Variants in IGF2BP1 observed in about 807,000 individuals in gnomAD.
The protein encoded by IGF2BP1 is insulin like growth factor 2 mRNA binding protein 1, also known as insulin-like growth factor 2 mRNA-binding protein 1.
A neutral mutation model predicts 74.9 loss-of-function variants in IGF2BP1; 11 were observed. The ratio of observed to expected loss-of-function variants is 0.15; its 90% CI spans 0.09 to 0.24. IGF2BP1 has a LOEUF of 0.24. Among genes scored for constraint, IGF2BP1 ranks in the 10% least tolerant of loss-of-function variants. IGF2BP1 has a pLI of 1.00. For synonymous variants in IGF2BP1, 287 were observed against 281.8 expected, an observed-to-expected ratio of 1.02 and a Z score of -0.18; for missense variants, 440 against 757.4, an observed-to-expected ratio of 0.58 and a Z score of 4.92.
chr17:49,045,397 G>T (rs1014473045), intron 12 of IGF2BP1, among the ~76,000 whole-genome samples: 57 of 152,148 alleles, frequency 3.7e-4, no homozygotes, highest in African/African-American at 1.1e-3. Flanking sequence ...AAATCCTAAG[G>T]TTCTTGAACT....
chr17:49,033,596 G>A (rs1297816448), intron 5 of IGF2BP1, among the ~76,000 whole-genome samples: 1 of 152,080 alleles, frequency 6.6e-6, no homozygotes, highest in Non-Finnish European at 1.5e-5. Context: ...ACCCACCTCA[G>A]CCCCCCAGAG....
In IGF2BP1 at chr17:49,055,565, T is replaced by C. The variant is rs867275837; in HGVS notation, c.*6121T>C. The C allele has an allele frequency of 1.5e-5, 6 of 398,288 alleles. No homozygotes were observed. The highest frequency in any genetic ancestry group is 2.7e-5 in the Non-Finnish European group (6 of 225,976). 24.7% of individuals were successfully genotyped at this position (398,288 alleles called of 1,614,324 possible). ...TAACATTTCTGTGCAGATTTTATGT[T>C]AGCCACTGCTATGTAAAAGCACGTT... On this transcript the variant is annotated 3_prime_UTR_variant, in exon 15 of 15. Transcript: ENST00000290341.
rs2042194333 is a variant in IGF2BP1 at position 49,053,786 on chromosome 17, C to G, written c.*4342C>G. 1 of 152,672 alleles carries G rather than the reference C, an allele frequency of 6.5e-6. No homozygotes were observed. The highest frequency in any genetic ancestry group is 1.9e-4 in the East Asian group (1 of 5,186). The allele number at this position is 152,672 out of a possible 1,614,324, so 9.5% of individuals were successfully genotyped here. On this transcript the variant is annotated 3_prime_UTR_variant, in exon 15 of 15. Transcript: ENST00000290341. ...GGAGAAGCTGGTGCCTCTAGGCAAC[C>G]CCTTCCTCCCACCTCTCATCAGGGG...
intron 2 of IGF2BP1, among the ~76,000 whole-genome samples, chr17:49,003,340 C>T (rs1555594526): frequency 1.3e-5 from 2 of 152,106 alleles, no homozygotes; most frequent in Non-Finnish European, 2.9e-5. Flanking sequence ...AGCCAGTTGA[C>T]AAAGATACTA....
At chr17:49,015,452 C>T (rs2041688129) in intron 2 of IGF2BP1, among the ~76,000 whole-genome samples, 1 of 152,194 alleles carries the variant, frequency 6.6e-6, no homozygotes, top group African/African-American at 2.4e-5. Context: ...CCGAAACTTC[C>T]CTTCCCACTG....
chr17:49,046,034 G>A lies in IGF2BP1; in HGVS notation c.1527+13G>A. The A allele has an allele frequency of 6.2e-7, 1 of 1,613,392 alleles. No homozygotes were observed. Among genetic ancestry groups the A allele is most frequent in the Non-Finnish European group, 8.5e-7 (1 of 1,179,724 alleles). ...AGGTGGAAAAACGGTGAGCTGTGAG[G>A]GCCAGGTTGAAAGCCCTGGGCCTTG... On this transcript the variant is annotated intron_variant, in intron 13 of 14. Coordinates refer to ENST00000290341, the MANE Select transcript of IGF2BP1 (RefSeq NM_006546.4).
intron 5 of IGF2BP1, among the ~76,000 whole-genome samples, chr17:49,035,475 TGCCCTGGGA>T (rs1392769342): frequency 2.0e-5 from 3 of 152,248 alleles, no homozygotes; most frequent in Non-Finnish European, 4.4e-5. Flanking sequence ...CAGTTATCTT[TGCCCTGGGA>T]GCCTGGGCAG....
intron 2 of IGF2BP1, among the ~76,000 whole-genome samples, chr17:49,023,933 T>C (rs1224591607): frequency 6.6e-6 from 1 of 151,774 alleles, no homozygotes; most frequent in African/African-American, 2.4e-5. Context: ...TTTTTTTTTT[T>C]TTTAAACAAG....
intron 2 of IGF2BP1, among the ~76,000 whole-genome samples, chr17:49,016,082 G>A (rs140962750): frequency 9.5e-4 from 144 of 152,326 alleles, no homozygotes; most frequent in Non-Finnish European, 1.4e-3. Context: ...CAGTTGGCAC[G>A]CACTTAACCA....
intron 14 of IGF2BP1, 78 bp downstream of exon 14, chr17:49,046,451 A>C (rs948815558): frequency 9.2e-7 from 1 of 1,081,420 alleles, no homozygotes; most frequent in Non-Finnish European, 1.4e-6. Context: ...ATAGAGGTTG[A>C]CCTTCATGAC....
intron 2 of IGF2BP1, among the ~76,000 whole-genome samples, chr17:49,002,651 C>T (rs1598120418): frequency 6.7e-6 from 1 of 148,668 alleles, no homozygotes; most frequent in African/African-American, 2.5e-5. Flanking sequence ...AAAGTAGAAA[C>T]AATTGATTAC....
intron 5 of IGF2BP1, 35 bp from the exon 6 acceptor site, chr17:49,038,133 T>C (rs370924034): frequency 2.8e-6 from 4 of 1,434,590 alleles, no homozygotes; most frequent in Non-Finnish European, 3.7e-6. Context: ...TTGGCATGGA[T>C]TGGAATGACC....
At chr17:49,047,516 CG>C (rs2042119006) in intron 14 of IGF2BP1, among the ~76,000 whole-genome samples, 1 of 150,970 alleles carries the variant, frequency 6.6e-6, no homozygotes, top group Admixed American at 6.6e-5. Context: ...TTTAATTCAG[CG>C]TTTTTTTTTT....
At chr17:49,019,933 TATATATATATATATATTTATATAC>T (rs1284255102) in intron 2 of IGF2BP1, among the ~76,000 whole-genome samples, 1 of 62,140 alleles carries the variant, frequency 1.6e-5, no homozygotes, top group African/African-American at 8.6e-5. Flanking sequence ...TATATATATA[TATATATATATATATATTTATATAC>T]ACACACACAC....
At chr17:49,022,600 G>T (rs1166247909) in intron 2 of IGF2BP1, among the ~76,000 whole-genome samples, 3 of 152,038 alleles carry the variant, frequency 2.0e-5, no homozygotes, top group Non-Finnish European at 4.4e-5. Context: ...GGGTGGCCCT[G>T]CCCTCCTCCC....
upstream of IGF2BP1, chr17:48,997,329 G>C (rs1436442806): frequency 6.3e-6 from 1 of 158,020 alleles, no homozygotes; most frequent in South Asian, 1.9e-4. The surrounding 1 kb of genome is among the most constrained non-coding windows in gnomAD (Gnocchi z 4.8). Context: ...TTTCCCTGCA[G>C]GGTGGGTGGG....
At chr17:49,005,125 G>T (rs1490583935) in intron 2 of IGF2BP1, among the ~76,000 whole-genome samples, 1 of 152,182 alleles carries the variant, frequency 6.6e-6, no homozygotes, top group Non-Finnish European at 1.5e-5. Context: ...TTACTACCTT[G>T]CAGCACAGTA....
chr17:49,038,429 C>T lies in IGF2BP1; in HGVS notation c.663C>T (p.Ile221=), dbSNP rs542203174. 5.3e-5 allele frequency: 83 copies of T among 1,551,932 alleles called. No homozygotes were observed. In the South Asian group the frequency reaches 8.9e-4, roughly 17 times the overall value. ...AGGAGGGGGCCACCATCCGCAACAT[C>T]ACAAAACAGACCCAGTCCAAGTGAG... The part of the protein sequence containing the change: ...IGKEGATIRN[I]TKQTQSKIDV... The change falls in exon 6 of 15, where the codon ATC becomes ATT. Residue 221 remains isoleucine (I), a synonymous_variant. Coordinates refer to ENST00000290341, the MANE Select transcript of IGF2BP1 (RefSeq NM_006546.4).
chr17:49,040,937 C>T (rs953178718), intron 7 of IGF2BP1, among the ~76,000 whole-genome samples: 2 of 152,308 alleles, frequency 1.3e-5, no homozygotes, highest in South Asian at 2.1e-4. Context: ...GGCACGGTGG[C>T]TCATGCCTCT....
Sources: allele counts gnomAD v4.1 joint callset (sites outside exome capture counted in the v4.1 genomes callset), GRCh38; gene constraint gnomAD v4.1.1; non-coding constraint Gnocchi (gnomAD v3.1); transcripts MANE v1.5; gene names NCBI Gene and HGNC (gene_info 2026-07-23, HGNC 2026-07-21).